GLIS3: variants seen among roughly 807,000 people sequenced by gnomAD.
The protein encoded by GLIS3 is zinc finger protein GLIS3.
A neutral mutation model predicts 78.6 loss-of-function variants in GLIS3; 53 were observed. That is an observed-to-expected ratio of 0.67 (90% CI 0.54 to 0.85). GLIS3 has a LOEUF of 0.85. Among genes scored for constraint, GLIS3 ranks in the 40% least tolerant of loss-of-function variants. The pLI is 0.00. For missense variants in GLIS3, 1,703 were observed against 1,231.1 expected (o/e 1.38, Z -5.74); for synonymous variants, 684 against 509.9 (o/e 1.34, Z -4.60).
In GLIS3 at chr9:4,286,510, T is replaced by G. The variant is rs774039543; in HGVS notation, c.-85A>C. On this transcript the variant is annotated 5_prime_UTR_variant, in exon 2 of 11. Transcript: ENST00000381971. ...GCAAAGTCCAATAAGTTATCCATGG[T>G]GTGGGTTATAAGCCTGTTTAAAAAA... is the stretch of plus-strand genomic sequence containing the variant. The G allele has an allele frequency of 4.6e-6, 7 of 1,518,196 alleles. No individual in the cohort carries two copies. The highest frequency in any genetic ancestry group is 6.3e-6 in the Non-Finnish European group (7 of 1,104,014). The allele number at this position is 1,518,196 out of a possible 1,614,324, so 94.0% of individuals were successfully genotyped here.
At chr9:4,108,662 C>T (rs1052228630) in intron 4 of GLIS3, among the ~76,000 whole-genome samples, 1 of 152,160 alleles carries the variant, frequency 6.6e-6, no homozygotes, top group Non-Finnish European at 1.5e-5. Context: ...ACCAAAAACA[C>T]AAGCAACAGG....
In GLIS3 at chr9:4,284,054, G is replaced by C. The variant is rs764072267; in HGVS notation, c.388+1984C>G. Among the ~76,000 whole-genome samples, 4 of 152,184 alleles carry C rather than the reference G, an allele frequency of 2.6e-5. No homozygotes were observed. In the South Asian group the frequency reaches 6.2e-4, roughly 24 times the overall value. The stretch of plus-strand genomic sequence containing the variant: ...ACCCTGAGAATTCACTAGCACCTGA[G>C]GTTTTTTAAGAAAACATGGCTTTAA... On this transcript the variant is annotated intron_variant, in intron 2 of 10. Coordinates refer to ENST00000381971, the MANE Select transcript of GLIS3 (RefSeq NM_001042413.2).
At chr9:4,127,463 A>G (rs1022065149) in intron 2 of GLIS3, among the ~76,000 whole-genome samples, 1 of 152,160 alleles carries the variant, frequency 6.6e-6, no homozygotes, top group Non-Finnish European at 1.5e-5. Flanking sequence ...TTGTGCCTTA[A>G]AAGATCAGTT....
chr9:4,389,033 C>G, the GLIS3 span, among the ~76,000 whole-genome samples: 1 of 152,184 alleles, frequency 6.6e-6, no homozygotes, highest in Non-Finnish European at 1.5e-5. Context: ...AGCAAGAGCA[C>G]TTAAGCCGAC....
At chr9:4,470,824 G>T in the GLIS3 span, among the ~76,000 whole-genome samples, 2 of 144,752 alleles carry the variant, frequency 1.4e-5, no homozygotes, top group South Asian at 2.3e-4. Context: ...GTCCCTGTTT[G>T]CAGATGACAT....
At chr9:4,145,275 C>G (rs1834127330) in intron 2 of GLIS3, 1 of 152,128 alleles carries the variant, frequency 6.6e-6, no homozygotes, top group Non-Finnish European at 1.5e-5. Flanking sequence ...GTTTTTAAGC[C>G]AATACTACAA....
chr9:4,380,998 T>G, the GLIS3 span, among the ~76,000 whole-genome samples: 6 of 152,024 alleles, frequency 3.9e-5, no homozygotes, highest in African/African-American at 1.4e-4. Context: ...CAGGCAGAAA[T>G]GGCCAGAGGG....
chr9:4,184,078 A>C (rs1207866361), intron 2 of GLIS3, among the ~76,000 whole-genome samples: 2 of 152,202 alleles, frequency 1.3e-5, no homozygotes, highest in Non-Finnish European at 2.9e-5. Context: ...CTGAAAAAAA[A>C]TTTTAACTTA....
At chr9:3,910,631 G>T (rs1395730517) in intron 6 of GLIS3, among the ~76,000 whole-genome samples, 1 of 152,208 alleles carries the variant, frequency 6.6e-6, no homozygotes, top group Non-Finnish European at 1.5e-5. Flanking sequence ...GATTACAGAG[G>T]CAGGCCAAGT....
intron 2 of GLIS3, among the ~76,000 whole-genome samples, chr9:4,264,802 C>A (rs1288422280): frequency 6.6e-6 from 1 of 152,140 alleles, no homozygotes; most frequent in Non-Finnish European, 1.5e-5. Flanking sequence ...TTCATTAGAA[C>A]ATAAGGTGAG....
intron 7 of GLIS3, among the ~76,000 whole-genome samples, chr9:3,892,920 C>A (rs1822557555): frequency 6.6e-6 from 1 of 152,166 alleles, no homozygotes; most frequent in Non-Finnish European, 1.5e-5. Context: ...CTTCTCTTCT[C>A]ATGTGCCAGT....
At chr9:4,142,911 G>C (rs1374156920) in intron 2 of GLIS3, among the ~76,000 whole-genome samples, 1 of 152,096 alleles carries the variant, frequency 6.6e-6, no homozygotes, top group Non-Finnish European at 1.5e-5. Context: ...TATGTTTTAA[G>C]GCTGAAAGAT....
intron 4 of GLIS3, among the ~76,000 whole-genome samples, chr9:4,076,752 C>A (rs117577902): frequency 0.017 from 2,603 of 152,228 alleles, 30 homozygotes; most frequent in Non-Finnish European, 0.028. Context: ...ATGTGACTTT[C>A]TTTTCATAAT....
At chr9:3,860,191 C>T (rs571687159) in intron 8 of GLIS3, among the ~76,000 whole-genome samples, 7 of 130,782 alleles carry the variant, frequency 5.4e-5, no homozygotes, top group Admixed American at 1.9e-4. Context: ...AGGAGAATGG[C>T]GTGAATCCGG....
chr9:4,286,613 A>T, intron 1 of GLIS3, 90 bp from the exon 2 acceptor site: 2 of 693,028 alleles, frequency 2.9e-6, no homozygotes, highest in Non-Finnish European at 4.9e-6. Context: ...ATTCATAAGG[A>T]AGAAAAGCAG....
chr9:4,376,266 G>C, the GLIS3 span, among the ~76,000 whole-genome samples: 5 of 152,116 alleles, frequency 3.3e-5, no homozygotes, highest in African/African-American at 4.8e-5. Flanking sequence ...GAAAACTTAC[G>C]AAAGAAAAAC....
chr9:4,073,016 T>C (rs1827738359), intron 4 of GLIS3, among the ~76,000 whole-genome samples: 1 of 115,722 alleles, frequency 8.6e-6, no homozygotes, highest in South Asian at 2.4e-4. Context: ...TACTGCTTTT[T>C]TCTTTAAAAA....
chr9:4,121,114 A>G (rs1832144228), intron 3 of GLIS3, among the ~76,000 whole-genome samples: 1 of 152,234 alleles, frequency 6.6e-6, no homozygotes, highest in African/African-American at 2.4e-5. Flanking sequence ...ACTCTCTTCT[A>G]TCTCAAACAC....
Position 4,125,853 on chromosome 9 carries a change from C to T in GLIS3, c.477G>A (p.Gln159=). The change falls in exon 3 of 11, where the codon CAG becomes CAA. Residue 159 remains glutamine (Q), a synonymous_variant. Coordinates refer to ENST00000381971, the MANE Select transcript of GLIS3 (RefSeq NM_001042413.2). ...CTGGAGGTGAAATGAGTCCCAGTCGCTGAACCATCATGGGACTGCTGGTGA... is the reference window on the plus strand; with the variant it reads ...CTGGAGGTGAAATGAGTCCCAGTCGTTGAACCATCATGGGACTGCTGGTGA... ...LVVTSSPMMV[Q]RLGLISPPAS... 6.2e-7 allele frequency: 1 copy of T among 1,614,006 alleles called. No individual in the cohort carries two copies. The highest frequency in any genetic ancestry group is 8.5e-7 in the Non-Finnish European group (1 of 1,179,930).
Sources: gnomAD v4.1 joint callset for allele counts (sites outside exome capture counted in the v4.1 genomes callset) on GRCh38, gnomAD v4.1.1 for gene constraint, MANE v1.5 for transcripts, NCBI Gene and HGNC (gene_info 2026-07-23, HGNC 2026-07-21) for gene names.